The following NTAN1 variants were observed in gnomAD, a reference collection of about 807,000 sequenced individuals.
NTAN1 encodes the protein N-terminal asparagine amidase.
A neutral mutation model predicts 41.9 loss-of-function variants in NTAN1; 32 were observed. The observed-to-expected ratio is 0.76, with a 90% CI of 0.58 to 1.03. The LOEUF is 1.03. Ranked by LOEUF, NTAN1 falls within the 50% of genes least tolerant of loss-of-function variation. The pLI, the probability that NTAN1 is intolerant of heterozygous loss-of-function variation, is 0.00. For missense variants in NTAN1, 377 were observed against 377.5 expected, an observed-to-expected ratio of 1.00 and a Z score of 0.01; for synonymous variants, 140 against 139.5, an observed-to-expected ratio of 1.00 and a Z score of -0.03.
chr16:15,041,705 C>A, intron 5 of NTAN1, 29 bp from the exon 6 acceptor site: 2 of 1,551,904 alleles, frequency 1.3e-6, no homozygotes, highest in South Asian at 2.2e-5. Context: ...GACCAGAAGT[C>A]AGAAAAGTTC....
chr16:15,041,780 G>A, intron 5 of NTAN1, 104 bp from the exon 6 acceptor site: 1 of 831,034 alleles, frequency 1.2e-6, no homozygotes, highest in South Asian at 1.3e-5. Context: ...CCAACTGAGT[G>A]TGCTCCGCCC....
chr16:15,040,520 C>A (rs1420630463), intron 7 of NTAN1: 1 of 174,854 alleles, frequency 5.7e-6, no homozygotes, highest in South Asian at 1.6e-4. Context: ...AGTATCACCG[C>A]TACAGCAGAA....
Position 15,056,048 on chromosome 16 carries a change from C to CGCCCCT in NTAN1, c.-83_-78dup. 1 of 607,678 alleles carries CGCCCCT rather than the reference C, an allele frequency of 1.6e-6. No homozygotes were observed. 37.6% of individuals were successfully genotyped at this position (607,678 alleles called of 1,614,324 possible). A position where few individuals can be genotyped will look rare whatever the true frequency, so the allele number is the denominator to read the frequency against. ...GCAGCCCCGGGCCGCCCGCCGCCCC[C>CGCCCCT]GCCCCTCGGGCCGCGCGTCCCGCCT... On this transcript the variant is annotated 5_prime_UTR_variant, in exon 1 of 10. Coordinates refer to ENST00000287706, the MANE Select transcript of NTAN1 (RefSeq NM_173474.4).
Position 15,038,702 on chromosome 16 carries a change from G to C in NTAN1, c.640-15C>G. The stretch of plus-strand genomic sequence containing the variant: ...ATGCTAATCATCTAAAAAAGAACGT[G>C]TCAAGGATAGAATTTCAGGAATGTC... On this transcript the variant is annotated splice_polypyrimidine_tract_variant and intron_variant, in intron 8 of 9. Coordinates refer to ENST00000287706, the MANE Select transcript of NTAN1 (RefSeq NM_173474.4). The C allele has an allele frequency of 7.1e-7, 1 of 1,398,620 alleles. No individual in the cohort carries two copies. The highest frequency in any genetic ancestry group is 1.0e-6 in the Non-Finnish European group (1 of 990,294). 86.6% of individuals were successfully genotyped at this position (1,398,620 alleles called of 1,614,324 possible). A position where few individuals can be genotyped will look rare whatever the true frequency, so the allele number is the denominator to read the frequency against.
intron 1 of NTAN1, among the ~76,000 whole-genome samples, chr16:15,054,149 G>T (rs2044406135): frequency 6.6e-6 from 1 of 152,168 alleles, no homozygotes; most frequent in African/African-American, 2.4e-5. Flanking sequence ...CAGGCGGCTT[G>T]CCCAGCTGCG....
At chr16:15,054,268 C>T (rs1221586512) in intron 1 of NTAN1, among the ~76,000 whole-genome samples, 1 of 152,210 alleles carries the variant, frequency 6.6e-6, no homozygotes, top group Non-Finnish European at 1.5e-5. Flanking sequence ...TCCTGTAACA[C>T]AAACTGGTCC....
chr16:15,038,209 T>A lies in NTAN1; in HGVS notation c.755A>T (p.Asn252Ile). 1 of 1,611,748 alleles carries A rather than the reference T, an allele frequency of 6.2e-7. No homozygotes were observed. Among genetic ancestry groups the A allele is most frequent in the East Asian group, 2.2e-5 (1 of 44,856 alleles). The change falls in exon 10 of 10, where the codon AAT (asparagine) becomes ATT (isoleucine). Residue 252 changes from asparagine (N) to isoleucine (I), a missense_variant and splice_region_variant. Asn to Ile is a moderately radical substitution (Grantham distance 149). Coordinates refer to ENST00000287706, the MANE Select transcript of NTAN1 (RefSeq NM_173474.4). ...CTCAGCCAGAGGCGAAGTGGAAAGA[T>A]TCTGAAAACACAAGATGGTGGGCAT... ...LHQDDKQILE[N>I]LSTSPLAEPP...
chr16:15,039,523 TTTAAA>T (rs1250357810), intron 8 of NTAN1, among the ~76,000 whole-genome samples: 3 of 152,214 alleles, frequency 2.0e-5, no homozygotes, highest in African/African-American at 7.2e-5. Context: ...GGAATCAGAC[TTTAAA>T]TTAATTTGAT....
At position 15,055,823 on chromosome 16, in the gene NTAN1, G is replaced by A. The variant is rs1414033750; in HGVS notation, c.81+68C>T. ...AGTTTCAAGTCTGTGTCGCGTGAGGGGGGCGCTAGCCCGCCCTGCAGCTTC... is the reference window on the plus strand; with the variant it reads ...AGTTTCAAGTCTGTGTCGCGTGAGGAGGGCGCTAGCCCGCCCTGCAGCTTC... On this transcript the variant is annotated intron_variant, in intron 1 of 9. Transcript: ENST00000287706. 4.7e-6 allele frequency: 4 copies of A among 847,262 alleles called. 1 individual carries two copies. The Admixed American group carries it at 1.7e-4, about 37-fold the overall frequency. 52.5% of individuals were successfully genotyped at this position (847,262 alleles called of 1,614,324 possible).
At chr16:15,041,457 C>T (rs1039827949) in intron 6 of NTAN1, among the ~76,000 whole-genome samples, 166 bp downstream of exon 6, 1 of 151,930 alleles carries the variant, frequency 6.6e-6, no homozygotes, top group East Asian at 1.9e-4. Flanking sequence ...AGATGGTGGA[C>T]GAGGGCAAGG....
rs143819486 is a variant in NTAN1 at position 15,043,356 on chromosome 16, A to T, written c.433+978T>A. Among the ~76,000 whole-genome samples the T allele has an allele frequency of 4.9e-3, 748 of 152,278 alleles. 3 individuals carry two copies. The highest frequency in any genetic ancestry group is 7.4e-3 in the Non-Finnish European group (504 of 68,030). The stretch of plus-strand genomic sequence containing the variant: ...CGGCCGGATATGAACCTTTTTTAAG[A>T]GTTATGGCGAGACCCTGTCTCCACA... On this transcript the variant is annotated intron_variant, in intron 5 of 9. Coordinates refer to ENST00000287706, the MANE Select transcript of NTAN1 (RefSeq NM_173474.4).
At chr16:15,054,294 T>A (rs1399051898) in intron 1 of NTAN1, among the ~76,000 whole-genome samples, 2 of 152,156 alleles carry the variant, frequency 1.3e-5, no homozygotes, top group African/African-American at 4.8e-5. Context: ...ACACAGCCTT[T>A]CTAGGACATG....
chr16:15,046,514 A>G (rs1017318294), intron 4 of NTAN1, among the ~76,000 whole-genome samples: 3 of 152,060 alleles, frequency 2.0e-5, no homozygotes, highest in Non-Finnish European at 4.4e-5. Context: ...CGGCTACTTT[A>G]CTGCAGTGAG....
At chr16:15,052,156 C>T (rs1020709981) in intron 1 of NTAN1, among the ~76,000 whole-genome samples, 2 of 152,204 alleles carry the variant, frequency 1.3e-5, no homozygotes, top group Non-Finnish European at 2.9e-5. Flanking sequence ...GCCGCAGTCT[C>T]TGTCACAATT....
intron 1 of NTAN1, among the ~76,000 whole-genome samples, chr16:15,055,166 GC>G (rs2044455356): frequency 6.6e-6 from 1 of 152,214 alleles, no homozygotes; most frequent in South Asian, 2.1e-4. Flanking sequence ...TAGGACGTCT[GC>G]CCCCGCCGCC....
chr16:15,053,330 G>A (rs2044368336), intron 1 of NTAN1, among the ~76,000 whole-genome samples: 1 of 152,158 alleles, frequency 6.6e-6, no homozygotes, highest in Non-Finnish European at 1.5e-5. Flanking sequence ...TTGCTGTGGT[G>A]CTTGGCAGCT....
At chr16:15,038,240 A>C in intron 9 of NTAN1, 30 bp from the exon 10 acceptor site, 1 of 1,571,014 alleles carries the variant, frequency 6.4e-7, no homozygotes, top group South Asian at 1.1e-5. Flanking sequence ...GGCATTAGAG[A>C]AGCCAACCTT....
intron 1 of NTAN1, among the ~76,000 whole-genome samples, chr16:15,054,071 G>A (rs1330501998): frequency 6.6e-6 from 1 of 152,120 alleles, no homozygotes; most frequent in East Asian, 1.9e-4. Flanking sequence ...CTCCTCACCC[G>A]GGCTGCTCCG....
intron 5 of NTAN1, among the ~76,000 whole-genome samples, chr16:15,042,162 T>C (rs527343801): frequency 6.6e-6 from 1 of 151,778 alleles, no homozygotes; most frequent in Non-Finnish European, 1.5e-5. Flanking sequence ...TCAGCAGAGC[T>C]GACTATAAAG....
Sources: gnomAD v4.1 joint callset for allele counts (sites outside exome capture counted in the v4.1 genomes callset) on GRCh38, gnomAD v4.1.1 for gene constraint, MANE v1.5 for transcripts, NCBI Gene and HGNC (gene_info 2026-07-23, HGNC 2026-07-21) for gene names.